FBXL13: variants seen among roughly 807,000 people sequenced by gnomAD.
FBXL13 encodes F-box and leucine rich repeat protein 13.
Under a neutral mutation model 83.6 loss-of-function variants are expected in FBXL13, and 67 were observed. That is an observed-to-expected ratio of 0.80 (90% confidence interval 0.66 to 0.98). The LOEUF is 0.98. Ranked by LOEUF, FBXL13 falls within the 50% of genes least tolerant of loss-of-function variation. The pLI, the probability that FBXL13 is intolerant of heterozygous loss-of-function variation, is 0.00. For missense variants in FBXL13, 822 were observed against 866.5 expected, an observed-to-expected ratio of 0.95 and a Z score of 0.64; for synonymous variants, 272 against 299.5, an observed-to-expected ratio of 0.91 and a Z score of 0.95.
chr7:102,972,280 C>T (rs1291897337), intron 6 of FBXL13, among the ~76,000 whole-genome samples: 1 of 152,028 alleles, frequency 6.6e-6, no homozygotes, highest in Non-Finnish European at 1.5e-5. Context: ...AACACTCTAA[C>T]ACCAGAGAGA....
intron 1 of FBXL13, among the ~76,000 whole-genome samples, chr7:103,065,108 A>G (rs28452903): frequency 0.013 from 1,905 of 152,350 alleles, 40 homozygotes; most frequent in African/African-American, 0.044. Context: ...CCAAACAAAC[A>G]GAAAATGACT....
intron 6 of FBXL13, among the ~76,000 whole-genome samples, chr7:103,024,299 G>A (rs1356133466): frequency 6.6e-6 from 1 of 151,840 alleles, no homozygotes. Flanking sequence ...GGCCAAGGTG[G>A]GTGGATCACC....
intron 8 of FBXL13, among the ~76,000 whole-genome samples, chr7:102,948,517 G>A (rs1056561358): frequency 4.0e-5 from 6 of 151,862 alleles, no homozygotes; most frequent in Admixed American, 3.3e-4. Flanking sequence ...TCCACCTTCC[G>A]GGTTCAAGCA....
At chr7:102,929,059 T>A (rs1818649435) in intron 9 of FBXL13, among the ~76,000 whole-genome samples, 2 of 152,224 alleles carry the variant, frequency 1.3e-5, no homozygotes, top group African/African-American at 4.8e-5. Flanking sequence ...TGGTTCTTTA[T>A]GTTCTGCTGG....
At chr7:102,977,070 G>T (rs1156948575) in intron 6 of FBXL13, among the ~76,000 whole-genome samples, 1 of 152,170 alleles carries the variant, frequency 6.6e-6, no homozygotes, top group Non-Finnish European at 1.5e-5. Flanking sequence ...CACTTAAACA[G>T]AGAAAAACGA....
At chr7:103,024,135 AAGAGAG>A (rs59206823) in intron 6 of FBXL13, among the ~76,000 whole-genome samples, 2,239 of 96,600 alleles carry the variant, frequency 0.023, 34 homozygotes, top group African/African-American at 0.028. Context: ...AAAAGTTAAA[AAGAGAG>A]AGAGAGAGAG....
At chr7:102,912,130 G>A (rs1327797472) in intron 11 of FBXL13, among the ~76,000 whole-genome samples, 2 of 152,130 alleles carry the variant, frequency 1.3e-5, no homozygotes, top group East Asian at 1.9e-4. Context: ...TTCATCAGCT[G>A]TGCAAACTTG....
rs147729621 is a variant in FBXL13, at chr7:102,937,406, C to A, written c.725-5473G>T. On this transcript the variant is annotated intron_variant, in intron 8 of 19. Coordinates refer to ENST00000313221, the Ensembl canonical transcript of FBXL13. ...CCTGTAATCCCACCTACTTGGGAGG[C>A]TGAGCCATGAGAATCGCTTGAACTC... Among the ~76,000 whole-genome samples the A allele has an allele frequency of 2.8e-3, 420 of 149,354 alleles. 10 individuals are homozygous for A. The highest frequency in any genetic ancestry group is 0.026 in the Admixed American group (384 of 14,876).
intron 10 of FBXL13, among the ~76,000 whole-genome samples, chr7:102,924,284 C>CA (rs560802802): frequency 1.3e-5 from 2 of 151,228 alleles, no homozygotes; most frequent in South Asian, 2.1e-4. Flanking sequence ...TTAGGTACTG[C>CA]AAAAAAACAG....
intron 6 of FBXL13, among the ~76,000 whole-genome samples, chr7:102,997,764 G>A (rs1032637040): frequency 2.1e-4 from 32 of 152,014 alleles, no homozygotes; most frequent in African/African-American, 7.7e-4. Flanking sequence ...TCTTTTTTAT[G>A]CCTAATCATA....
chr7:103,020,276 C>G (rs1181485817), intron 6 of FBXL13, among the ~76,000 whole-genome samples: 1 of 152,112 alleles, frequency 6.6e-6, no homozygotes, highest in African/African-American at 2.4e-5. Context: ...ATTCAACAAC[C>G]CTTCGTGCTA....
intron 11 of FBXL13, among the ~76,000 whole-genome samples, chr7:102,907,590 G>A (rs143808539): frequency 6.6e-6 from 1 of 151,800 alleles, no homozygotes. Context: ...CTGTCCTTGC[G>A]ATAGTTTGCT....
chr7:102,919,696 T>G (rs1015438165), intron 10 of FBXL13, among the ~76,000 whole-genome samples: 1 of 152,182 alleles, frequency 6.6e-6, no homozygotes, highest in African/African-American at 2.4e-5. Context: ...GTTTTAAAGA[T>G]AAAATACAGA....
At chr7:103,022,365 G>A (rs1169486341) in intron 6 of FBXL13, among the ~76,000 whole-genome samples, 1 of 151,868 alleles carries the variant, frequency 6.6e-6, no homozygotes, top group African/African-American at 2.4e-5. Flanking sequence ...AGCATTAGGA[G>A]ATATACCTAA....
At position 102,988,557 on chromosome 7, in the gene FBXL13, G is replaced by A. The variant is rs1286711051; in HGVS notation, c.496-20440C>T. 9 of 152,228 alleles carry A rather than the reference G, an allele frequency of 5.9e-5. No homozygotes were observed. The East Asian group carries it at 9.6e-4, about 16-fold the overall frequency. The allele number at this position is 152,228 out of a possible 1,614,324, so 9.4% of individuals were successfully genotyped here. On this transcript the variant is annotated intron_variant, in intron 6 of 19. Transcript: ENST00000313221. ...AAGTGGGAGGGCAGAAATGTAGAAC[G>A]GTATACACTCTTTTAACCCCAAGGA... is the stretch of plus-strand genomic sequence containing the variant.
chr7:103,042,283 T>C (rs914406257), intron 2 of FBXL13, among the ~76,000 whole-genome samples: 5 of 152,140 alleles, frequency 3.3e-5, no homozygotes, highest in African/African-American at 9.7e-5. Context: ...GAAGGACCTC[T>C]TCAAGGAGAA....
chr7:102,943,790 C>T (rs1195976142), intron 8 of FBXL13, among the ~76,000 whole-genome samples: 1 of 152,154 alleles, frequency 6.6e-6, no homozygotes, highest in Non-Finnish European at 1.5e-5. Context: ...CCTAACTTTA[C>T]CTGGTAAATG....
At chr7:103,010,795 C>T (rs1434975049) in intron 6 of FBXL13, among the ~76,000 whole-genome samples, 2 of 152,108 alleles carry the variant, frequency 1.3e-5, no homozygotes, top group East Asian at 1.9e-4. Flanking sequence ...CCAGGAAGCA[C>T]ACAGACAGAA....
intron 16 of FBXL13, among the ~76,000 whole-genome samples, chr7:102,863,637 AAAAAC>A (rs1807201350): frequency 6.6e-6 from 1 of 152,198 alleles, no homozygotes; most frequent in Non-Finnish European, 1.5e-5. Flanking sequence ...AAAACAAAAC[AAAAAC>A]AAAGATTCCA....
Sources: gnomAD v4.1 joint callset for allele counts (sites outside exome capture counted in the v4.1 genomes callset) on GRCh38, gnomAD v4.1.1 for gene constraint, MANE v1.5 for transcripts, NCBI Gene and HGNC (gene_info 2026-07-23, HGNC 2026-07-21) for gene names.